DNAH6: variants seen among roughly 807,000 people sequenced by gnomAD.
The protein encoded by DNAH6 is axonemal beta dynein heavy chain 6.
DNAH6 carries 340 observed loss-of-function variants against 491.4 expected under a neutral mutation model. The observed-to-expected ratio is 0.69, with a 90% CI of 0.63 to 0.76. The LOEUF (loss-of-function observed/expected upper bound fraction) is 0.76, where lower values mean the gene tolerates loss of function less well. Ranked by LOEUF, DNAH6 falls within the 30% of genes least tolerant of loss-of-function variation. The pLI, the probability that DNAH6 is intolerant of heterozygous loss-of-function variation, is 0.00. For synonymous variants in DNAH6, 1,603 were observed against 1,686.1 expected, an observed-to-expected ratio of 0.95 and a Z score of 1.21; for missense variants, 4,443 against 4,972.2, an observed-to-expected ratio of 0.89 and a Z score of 3.20.
rs1696363375 is a variant in DNAH6 at position 84,705,720 on chromosome 2, A to C, written c.8700A>C (p.Pro2900=). The part of the protein sequence containing the change: ...LYSRVVKVVE[P]KRQKLRAAQA... ...CTCGAGTGGTCAAGGTCGTCGAACC[A>C]AAAAGACAAAAGCTCCGCGCCGCAC... is the stretch of plus-strand genomic sequence containing the variant. Residue 2900 remains proline (P), a synonymous_variant, in exon 52 of 77, where the codon CCA becomes CCC. Coordinates refer to ENST00000389394, the MANE Select transcript of DNAH6 (RefSeq NM_001370.2). The C allele has an allele frequency of 1.9e-6, 3 of 1,550,490 alleles. No individual in the cohort carries two copies. In the Admixed American group the frequency reaches 5.9e-5, roughly 31 times the overall value.
rs1558884212 is a variant in DNAH6 at position 84,670,325 on chromosome 2, A to T, written c.6307-3A>T. ...GACATTAATTAACTTATTTTAATTTAAGTCTGTGATTGCAAAAGGATTGCT... is the reference window on the plus strand; with the variant it reads ...GACATTAATTAACTTATTTTAATTTTAGTCTGTGATTGCAAAAGGATTGCT... On this transcript the variant is annotated splice_region_variant and splice_polypyrimidine_tract_variant and intron_variant, in intron 38 of 76. Transcript: ENST00000389394. The T allele has an allele frequency of 1.3e-6, 2 of 1,510,294 alleles. No homozygotes were observed. The highest frequency in any genetic ancestry group is 4.3e-5 in the Admixed American group (2 of 46,592). The allele number at this position is 1,510,294 out of a possible 1,614,324, so 93.6% of individuals were successfully genotyped here. A position where few individuals can be genotyped will look rare whatever the true frequency, so the allele number is the denominator to read the frequency against.
chr2:84,713,260 G>A lies in DNAH6; in HGVS notation c.9543+1G>A. 1.3e-6 allele frequency: 2 copies of A among 1,551,412 alleles called. No individual in the cohort carries two copies. Among genetic ancestry groups the A allele is most frequent in the Non-Finnish European group, 1.7e-6 (2 of 1,146,698 alleles). ...GCCAAATCCCCACTATCTGCCTGAGGTATGAACTACTGGTCTGGAATTCTC... is the reference window on the plus strand; with the variant it reads ...GCCAAATCCCCACTATCTGCCTGAGATATGAACTACTGGTCTGGAATTCTC... On this transcript the variant is annotated splice_donor_variant, in intron 57 of 76. Coordinates refer to ENST00000389394, the MANE Select transcript of DNAH6 (RefSeq NM_001370.2). LOFTEE classifies it high-confidence loss of function.
At chr2:84,678,434 G>A (rs1224906026) in intron 41 of DNAH6, among the ~76,000 whole-genome samples, 2 of 152,198 alleles carry the variant, frequency 1.3e-5, no homozygotes, top group African/African-American at 4.8e-5. Context: ...CAGATACACT[G>A]TGATGTGGTG....
chr2:84,679,446 C>T (rs975329968), intron 41 of DNAH6, among the ~76,000 whole-genome samples: 19 of 152,296 alleles, frequency 1.2e-4, no homozygotes, highest in African/African-American at 4.6e-4. Context: ...GTAAACCGAA[C>T]AGCACACAAC....
At chr2:84,538,349 G>A (rs1009809737) in intron 4 of DNAH6, among the ~76,000 whole-genome samples, 1 of 152,120 alleles carries the variant, frequency 6.6e-6, no homozygotes, top group African/African-American at 2.4e-5. Context: ...ATTTGATATT[G>A]TTTTGTGATT....
Position 84,588,944 on chromosome 2 carries a change from A to C in DNAH6, c.2600A>C (p.Lys867Thr), listed in dbSNP as rs1683829695. 3 of 1,545,608 alleles carry C rather than the reference A, an allele frequency of 1.9e-6. No individual in the cohort carries two copies. The East Asian group carries it at 7.4e-5, about 38-fold the overall frequency. ...KRAFQYKSYQ[K>T]NFKVEVSKFE... ...GCATTTCAGTATAAGTCCTATCAGA[A>C]GAATTTTAAGGTAATGACAGTTTTA... The change falls in exon 16 of 77, where the codon AAG becomes ACG. Residue 867 changes from lysine (K) to threonine (T), a missense_variant. Physicochemically the swap from Lys to Thr is moderately conservative, Grantham distance 78. This residue lies in a region of DNAH6 where 2,977 missense variants were observed against 3,296.6 expected (regional missense o/e 0.90). Coordinates refer to ENST00000389394, the MANE Select transcript of DNAH6 (RefSeq NM_001370.2).
chr2:84,511,663 C>T (rs1573462310), upstream of DNAH6, among the ~76,000 whole-genome samples: 1 of 152,208 alleles, frequency 6.6e-6, no homozygotes, highest in Admixed American at 6.5e-5. Context: ...TTCTGTATCG[C>T]TCACGCTGGG....
chr2:84,715,450 T>C, intron 57 of DNAH6, 110 bp from the exon 58 acceptor site: 1 of 978,036 alleles, frequency 1.0e-6, no homozygotes, highest in South Asian at 1.6e-5. Flanking sequence ...TGTGTGCAAT[T>C]AGACCTGAGA....
At chr2:84,585,447 T>C (rs796850742) in intron 15 of DNAH6, among the ~76,000 whole-genome samples, 71 of 152,254 alleles carry the variant, frequency 4.7e-4, no homozygotes, top group African/African-American at 1.6e-3. Context: ...CTTTATTCAG[T>C]GTTAGAACAG....
chr2:84,696,634 C>G (rs987660388), intron 46 of DNAH6, among the ~76,000 whole-genome samples: 1 of 151,716 alleles, frequency 6.6e-6, no homozygotes, highest in African/African-American at 2.4e-5. Context: ...CACAATTATA[C>G]CAAGTTCATT....
At chr2:84,810,471 G>A (rs1001826915) in intron 72 of DNAH6, among the ~76,000 whole-genome samples, 1 of 152,140 alleles carries the variant, frequency 6.6e-6, no homozygotes, top group African/African-American at 2.4e-5. Flanking sequence ...TGACCTGCAG[G>A]GCCATCAGGA....
chr2:84,798,422 A>G (rs1678543681), intron 70 of DNAH6, among the ~76,000 whole-genome samples: 1 of 152,210 alleles, frequency 6.6e-6, no homozygotes, highest in Non-Finnish European at 1.5e-5. Context: ...CAGGCAGAGC[A>G]GCCCAAAGAA....
At chr2:84,637,748 G>A (rs1689016877) in intron 31 of DNAH6, among the ~76,000 whole-genome samples, 1 of 152,116 alleles carries the variant, frequency 6.6e-6, no homozygotes, top group African/African-American at 2.4e-5. Context: ...GGAGTCAAGG[G>A]ATGCTAAGTA....
At position 84,619,801 on chromosome 2, in the gene DNAH6, C is replaced by A; in HGVS notation, c.3689C>A (p.Ala1230Asp). The A allele has an allele frequency of 3.2e-6, 5 of 1,551,524 alleles. No individual in the cohort carries two copies. The highest frequency in any genetic ancestry group is 4.4e-6 in the Non-Finnish European group (5 of 1,146,858). The change falls in exon 24 of 77, where the codon GCT becomes GAT. Residue 1230 changes from alanine to aspartate, a missense_variant. Around this residue, in one of 3 missense-constraint regions of DNAH6, gnomAD observed 2,977 missense variants for 3,296.6 expected, o/e 0.90. Transcript: ENST00000389394. Reference sequence around the variant, plus strand: ...GACTCCATTTCAAAGCTCGAATTTGCTCTCATGCCTCCTGCCGAAGGAAAG... The same window carrying A: ...GACTCCATTTCAAAGCTCGAATTTGATCTCATGCCTCCTGCCGAAGGAAAG... Reference protein sequence around the residue: ...CFDSISKLEFALMPPAEGKIP... With the variant: ...CFDSISKLEFDLMPPAEGKIP...
intron 29 of DNAH6, 29 bp from the exon 30 acceptor site, chr2:84,634,475 A>G (rs982560788): frequency 8.0e-6 from 12 of 1,503,658 alleles, no homozygotes; most frequent in Middle Eastern, 1.7e-4. Flanking sequence ...TACACAATAC[A>G]AAGTTGAACT....
chr2:84,628,153 G>A (rs765572262), intron 29 of DNAH6, among the ~76,000 whole-genome samples: 9 of 152,116 alleles, frequency 5.9e-5, no homozygotes, highest in Admixed American at 3.9e-4. Flanking sequence ...AGAAGAAGGG[G>A]GTATAGTCTG....
chr2:84,673,058 AGG>A (rs1692890547), intron 40 of DNAH6, among the ~76,000 whole-genome samples: 1 of 152,020 alleles, frequency 6.6e-6, no homozygotes, highest in Admixed American at 6.5e-5. Context: ...GAGTGGTGAG[AGG>A]GGAGAGACAG....
intron 64 of DNAH6, 35 bp downstream of exon 64, chr2:84,762,980 T>G: frequency 6.7e-7 from 1 of 1,481,710 alleles, no homozygotes; most frequent in Non-Finnish European, 9.2e-7. Context: ...ATAATGCAAA[T>G]GCATATGAAC....
intron 59 of DNAH6, among the ~76,000 whole-genome samples, chr2:84,719,795 A>G (rs1194578588): frequency 6.6e-6 from 1 of 151,952 alleles, no homozygotes; most frequent in African/African-American, 2.4e-5. Flanking sequence ...AAGTGTCGGA[A>G]TTACAGGAGT....
Sources: allele counts gnomAD v4.1 joint callset (sites outside exome capture counted in the v4.1 genomes callset), GRCh38; gene constraint gnomAD v4.1.1; regional missense constraint gnomAD v4.1.1; transcripts MANE v1.5; gene names NCBI Gene and HGNC (gene_info 2026-07-23, HGNC 2026-07-21).